SAMMSON: variants seen among roughly 807,000 people sequenced by gnomAD.
The protein encoded by SAMMSON is survival associated mitochondrial melanoma specific oncogenic non-coding RNA.
At chr3:70,251,021 C>T (rs548063084) in intron 6 of SAMMSON, among the ~76,000 whole-genome samples, 4 of 152,306 alleles carry the variant, frequency 2.6e-5, no homozygotes, top group East Asian at 1.9e-4. Flanking sequence ...ACCATTTAAA[C>T]GCCTTTCCAG....
At chr3:70,386,447 T>A (rs1232794096) in intron 9 of SAMMSON, among the ~76,000 whole-genome samples, 1 of 152,004 alleles carries the variant, frequency 6.6e-6, no homozygotes, top group African/African-American at 2.4e-5. Flanking sequence ...TGAAAAAAAA[T>A]AAATTCATTT....
chr3:70,224,148 A>G (rs1701482848), intron 4 of SAMMSON, among the ~76,000 whole-genome samples: 1 of 152,160 alleles, frequency 6.6e-6, no homozygotes, highest in Non-Finnish European at 1.5e-5. Flanking sequence ...AAATAATTGA[A>G]TGTGGATGAA....
At chr3:70,376,564 C>T (rs1021005441) in intron 9 of SAMMSON, among the ~76,000 whole-genome samples, 9 of 152,066 alleles carry the variant, frequency 5.9e-5, no homozygotes, top group African/African-American at 2.2e-4. Flanking sequence ...CCTTCTGTGA[C>T]AAAATGGGAC....
At chr3:70,176,765 C>T (rs1701012860) in intron 4 of SAMMSON, among the ~76,000 whole-genome samples, 1 of 152,098 alleles carries the variant, frequency 6.6e-6, no homozygotes, top group Non-Finnish European at 1.5e-5. Context: ...TTGTTATATA[C>T]ATAAATGATC....
intron 2 of SAMMSON, among the ~76,000 whole-genome samples, chr3:70,412,217 C>T (rs1007173282): frequency 6.6e-6 from 1 of 152,142 alleles, no homozygotes; most frequent in African/African-American, 2.4e-5. Context: ...ATCAGACAGA[C>T]TTCCTTAAAT....
intron 4 of SAMMSON, among the ~76,000 whole-genome samples, chr3:70,196,324 T>A (rs1316350989): frequency 6.6e-6 from 1 of 152,194 alleles, no homozygotes; most frequent in Non-Finnish European, 1.5e-5. Context: ...ACTGGAGATG[T>A]TTTAGAGACA....
chr3:70,336,077 T>C (rs768414636), intron 7 of SAMMSON, among the ~76,000 whole-genome samples: 2 of 151,992 alleles, frequency 1.3e-5, no homozygotes, highest in Admixed American at 6.6e-5. Flanking sequence ...CCATTCAAGG[T>C]CAAATTTATA....
At chr3:70,191,268 G>A (rs1385871090) in intron 4 of SAMMSON, among the ~76,000 whole-genome samples, 1 of 152,150 alleles carries the variant, frequency 6.6e-6, no homozygotes, top group Non-Finnish European at 1.5e-5. Context: ...CATAAAAGAG[G>A]TTAGCATGAC....
intron 7 of SAMMSON, among the ~76,000 whole-genome samples, chr3:70,323,805 C>T (rs898633914): frequency 6.6e-6 from 1 of 152,092 alleles, no homozygotes; most frequent in Non-Finnish European, 1.5e-5. Flanking sequence ...GCCCATTTTC[C>T]TCCTGGAGTC....
At chr3:70,368,017 C>G (rs1702935060) in intron 9 of SAMMSON, among the ~76,000 whole-genome samples, 2 of 150,184 alleles carry the variant, frequency 1.3e-5, no homozygotes, top group Non-Finnish European at 3.0e-5. Context: ...TACAAGTCTT[C>G]TATCAGATAT....
chr3:70,185,729 G>A (rs1422354353), intron 4 of SAMMSON, among the ~76,000 whole-genome samples: 1 of 149,518 alleles, frequency 6.7e-6, no homozygotes, highest in Non-Finnish European at 1.5e-5. Flanking sequence ...AGGTGTAGTG[G>A]CACATGCCTG....
intron 4 of SAMMSON, among the ~76,000 whole-genome samples, chr3:70,142,107 A>G (rs915842644): frequency 8.3e-6 from 1 of 120,974 alleles, no homozygotes; most frequent in Non-Finnish European, 1.7e-5. Flanking sequence ...TACAACCACT[A>G]TGGAAAACAG....
chr3:70,191,561 A>G (rs1190656017), intron 4 of SAMMSON, among the ~76,000 whole-genome samples: 1 of 152,216 alleles, frequency 6.6e-6, no homozygotes, highest in Non-Finnish European at 1.5e-5. Context: ...TTGACTTTGC[A>G]TTTATTACTT....
intron 4 of SAMMSON, chr3:70,206,452 T>C (rs528032238): frequency 2.5e-6 from 1 of 395,012 alleles, no homozygotes; most frequent in East Asian, 3.6e-5. Flanking sequence ...CAAATCGAAG[T>C]CTTCGTGTTT....
chr3:70,189,558 C>T (rs999073073), intron 4 of SAMMSON, among the ~76,000 whole-genome samples: 1 of 152,146 alleles, frequency 6.6e-6, no homozygotes, highest in Non-Finnish European at 1.5e-5. Context: ...CTAGCAAAGT[C>T]ACTCCTTGGC....
At chr3:70,278,206 C>T (rs1702046758) in intron 6 of SAMMSON, among the ~76,000 whole-genome samples, 1 of 152,062 alleles carries the variant, frequency 6.6e-6, no homozygotes, top group African/African-American at 2.4e-5. Flanking sequence ...TTATATCTAA[C>T]TTTATTTGTC....
At chr3:70,340,065 T>C (rs1205584844) in intron 7 of SAMMSON, among the ~76,000 whole-genome samples, 2 of 152,014 alleles carry the variant, frequency 1.3e-5, no homozygotes, top group African/African-American at 4.8e-5. Flanking sequence ...CATGGAATAC[T>C]ATGCAGCCAT....
At chr3:70,216,919 T>A (rs1701417111) in intron 4 of SAMMSON, among the ~76,000 whole-genome samples, 1 of 152,076 alleles carries the variant, frequency 6.6e-6, no homozygotes, top group South Asian at 2.1e-4. Context: ...AGGGACCCCT[T>A]CCCCTCACCA....
chr3:70,042,889 C>A (rs185448591), intron 3 of SAMMSON, among the ~76,000 whole-genome samples: 1 of 152,180 alleles, frequency 6.6e-6, no homozygotes, highest in East Asian at 1.9e-4. Context: ...GCTGTTATTA[C>A]TAGAAATTGC....
Sources: gnomAD v4.1 joint callset for allele counts (sites outside exome capture counted in the v4.1 genomes callset) on GRCh38, gnomAD v4.1.1 for gene constraint, MANE v1.5 for transcripts, NCBI Gene and HGNC (gene_info 2026-07-23, HGNC 2026-07-21) for gene names.